CNTNAP2: variants seen among roughly 807,000 people sequenced by gnomAD.
CNTNAP2 encodes the protein contactin associated protein 2.
In CNTNAP2, 98 loss-of-function variants were observed where a neutral mutation model predicts 155.2. That is an observed-to-expected ratio of 0.63 (90% CI 0.54 to 0.75). The LOEUF (loss-of-function observed/expected upper bound fraction) is 0.75. Ranked by LOEUF, CNTNAP2 falls within the 30% of genes least tolerant of loss-of-function variation. The pLI, the probability that CNTNAP2 is intolerant of heterozygous loss-of-function variation, is 0.00. For synonymous variants in CNTNAP2, 651 were observed against 631.2 expected (o/e 1.03, Z -0.47); for missense variants, 1,727 against 1,688.1 (o/e 1.02, Z -0.40).
intron 1 of CNTNAP2, among the ~76,000 whole-genome samples, chr7:146,481,984 A>G (rs1796966344): frequency 1.3e-5 from 2 of 152,194 alleles, no homozygotes; most frequent in African/African-American, 4.8e-5. Context: ...AGCACCTTCA[A>G]TCTAAACTTC....
chr7:147,363,715 A>G (rs1413658251), intron 9 of CNTNAP2, among the ~76,000 whole-genome samples: 1 of 152,040 alleles, frequency 6.6e-6, no homozygotes, highest in African/African-American at 2.4e-5. Context: ...TTAACTTCTC[A>G]TTTTATTGTA....
At chr7:147,176,887 T>C (rs1450220248) in intron 8 of CNTNAP2, among the ~76,000 whole-genome samples, 3 of 127,096 alleles carry the variant, frequency 2.4e-5, no homozygotes, top group South Asian at 2.2e-4. Flanking sequence ...AATATATAAT[T>C]ATATATTATA....
At chr7:146,506,913 C>T (rs1089448) in intron 1 of CNTNAP2, among the ~76,000 whole-genome samples, 35,170 of 151,982 alleles carry the variant, frequency 0.23, 4,353 homozygotes, top group East Asian at 0.43. Flanking sequence ...ATGGGAGGTG[C>T]CTCTCTTGAA....
chr7:147,093,214 C>CT (rs1163772150), intron 4 of CNTNAP2, among the ~76,000 whole-genome samples: 1 of 136,750 alleles, frequency 7.3e-6, no homozygotes, highest in Non-Finnish European at 1.5e-5. Flanking sequence ...GCACTCCAGC[C>CT]TGGGCGAAAG....
intron 9 of CNTNAP2, among the ~76,000 whole-genome samples, chr7:147,345,481 G>A (rs1175175340): frequency 6.6e-6 from 1 of 152,064 alleles, no homozygotes; most frequent in African/African-American, 2.4e-5. Context: ...CGCATTTGTA[G>A]ACATTTTCCC....
chr7:148,373,563 G>A (rs1798928906), intron 21 of CNTNAP2, among the ~76,000 whole-genome samples: 1 of 152,154 alleles, frequency 6.6e-6, no homozygotes, highest in South Asian at 2.1e-4. Flanking sequence ...AATCTCCTGG[G>A]ACCACCCTCC....
At chr7:147,599,463 A>G (rs1000871046) in intron 12 of CNTNAP2, among the ~76,000 whole-genome samples, 2 of 139,104 alleles carry the variant, frequency 1.4e-5, no homozygotes, top group Admixed American at 7.8e-5. Flanking sequence ...AGCCTGGGCA[A>G]CGAGTGAAAC....
At chr7:147,119,570 C>T (rs1801059530) in intron 5 of CNTNAP2, among the ~76,000 whole-genome samples, 1 of 152,140 alleles carries the variant, frequency 6.6e-6, no homozygotes. Context: ...TGTCCCTCTC[C>T]TTTTCCTTGT....
chr7:146,605,943 T>C (rs556154228), intron 1 of CNTNAP2, among the ~76,000 whole-genome samples: 1 of 152,190 alleles, frequency 6.6e-6, no homozygotes, highest in African/African-American at 2.4e-5. Context: ...AAGATTTCCA[T>C]TGACTTGAGA....
At chr7:148,140,141 A>G (rs1006986586) in intron 16 of CNTNAP2, among the ~76,000 whole-genome samples, 1 of 152,224 alleles carries the variant, frequency 6.6e-6, no homozygotes, top group Non-Finnish European at 1.5e-5. Context: ...CCAGATGCTG[A>G]GTTTACAGTC....
intron 12 of CNTNAP2, among the ~76,000 whole-genome samples, chr7:147,622,651 T>A (rs908696529): frequency 6.6e-6 from 1 of 151,988 alleles, no homozygotes; most frequent in East Asian, 1.9e-4. Context: ...AAGAGGAAAG[T>A]TTATAGCTAT....
chr7:147,272,958 G>A (rs748947100), intron 8 of CNTNAP2, among the ~76,000 whole-genome samples: 1 of 152,132 alleles, frequency 6.6e-6, no homozygotes, highest in Non-Finnish European at 1.5e-5. Context: ...TATGTGAATT[G>A]TAGGCCTTGG....
chr7:146,743,466 T>C (rs541391479), intron 1 of CNTNAP2, among the ~76,000 whole-genome samples: 2 of 152,364 alleles, frequency 1.3e-5, no homozygotes, highest in Admixed American at 6.5e-5. Context: ...GACCAAATTA[T>C]GGATGTACAT....
At chr7:147,777,352 T>G (rs372982344) in intron 13 of CNTNAP2, among the ~76,000 whole-genome samples, 3 of 152,346 alleles carry the variant, frequency 2.0e-5, no homozygotes, top group African/African-American at 7.2e-5. Context: ...GATGGTTGCT[T>G]AAAGAATAAT....
intron 13 of CNTNAP2, among the ~76,000 whole-genome samples, chr7:147,659,356 T>A (rs1446223972): frequency 2.0e-5 from 3 of 152,216 alleles, no homozygotes. Context: ...ATTTTCTTCA[T>A]ATTAGAGATT....
At chr7:146,831,250 T>G (rs1332952307) in intron 2 of CNTNAP2, among the ~76,000 whole-genome samples, 1 of 151,996 alleles carries the variant, frequency 6.6e-6, no homozygotes, top group South Asian at 2.1e-4. Flanking sequence ...AAATTTATGG[T>G]TTTTATGGTT....
chr7:146,929,120 G>A (rs1424590276), intron 3 of CNTNAP2, among the ~76,000 whole-genome samples: 3 of 152,200 alleles, frequency 2.0e-5, no homozygotes. Context: ...ATTTGAGAAT[G>A]GGCAGACTGC....
chr7:147,567,891 G>C (rs1301167918), intron 12 of CNTNAP2, among the ~76,000 whole-genome samples: 1 of 152,106 alleles, frequency 6.6e-6, no homozygotes, highest in East Asian at 1.9e-4. Context: ...TTGGAGACCA[G>C]CCTGACCAAC....
intron 3 of CNTNAP2, among the ~76,000 whole-genome samples, chr7:146,906,626 G>C (rs986475423): frequency 6.6e-6 from 1 of 151,996 alleles, no homozygotes; most frequent in African/African-American, 2.4e-5. Flanking sequence ...AAATAGAAAG[G>C]ACATCCACAC....
Sources: allele counts gnomAD v4.1 joint callset (sites outside exome capture counted in the v4.1 genomes callset), GRCh38; gene constraint gnomAD v4.1.1; transcripts MANE v1.5; gene names NCBI Gene and HGNC (gene_info 2026-07-23, HGNC 2026-07-21).